Variants in ADAMTS5 observed in about 807,000 individuals in gnomAD.
ADAMTS5 encodes ADAM metallopeptidase with thrombospondin type 1 motif 5, also known as A disintegrin and metalloproteinase with thrombospondin motifs 5.
Under a neutral mutation model 81.4 loss-of-function variants are expected in ADAMTS5, and 54 were observed. That is an observed-to-expected ratio of 0.66 (90% CI 0.53 to 0.83). The LOEUF (loss-of-function observed/expected upper bound fraction) is 0.83. ADAMTS5 is among the 40% of genes least tolerant of loss of function. The pLI, the probability that ADAMTS5 is intolerant of heterozygous loss-of-function variation, is 0.00. For missense variants in ADAMTS5, 1,194 were observed against 1,229.9 expected, an observed-to-expected ratio of 0.97 and a Z score of 0.44; for synonymous variants, 532 against 508.8, an observed-to-expected ratio of 1.05 and a Z score of -0.61.
chr21:26,952,552 G>C (rs764965033), intron 2 of ADAMTS5, among the ~76,000 whole-genome samples: 39 of 152,170 alleles, frequency 2.6e-4, no homozygotes, highest in Non-Finnish European at 3.7e-4. Context: ...TGCACTTATT[G>C]CCACAGTGTT....
chr21:26,943,885 C>T (rs940444446), intron 2 of ADAMTS5, among the ~76,000 whole-genome samples: 110 of 152,286 alleles, frequency 7.2e-4, no homozygotes, highest in Non-Finnish European at 1.2e-3. Flanking sequence ...ATAGCCCTCA[C>T]CACGTATCAT....
In ADAMTS5 at chr21:26,921,317, T is replaced by G. The variant is rs556318390; in HGVS notation, c.*2736A>C. ...CAGCAAGGCAGGGCTTAATTTAAATTTTTCTGATCTAGAAGAAATAAATGT... is the reference window on the plus strand; with the variant it reads ...CAGCAAGGCAGGGCTTAATTTAAATGTTTCTGATCTAGAAGAAATAAATGT... On this transcript the variant is annotated 3_prime_UTR_variant, in exon 8 of 8. Coordinates refer to ENST00000284987, the MANE Select transcript of ADAMTS5 (RefSeq NM_007038.5). 1 of 152,242 alleles carries G rather than the reference T, an allele frequency of 6.6e-6. No individual in the cohort carries two copies. Among genetic ancestry groups the G allele is most frequent in the East Asian group, 1.9e-4 (1 of 5,188 alleles). The allele number at this position is 152,242 out of a possible 1,614,324, so 9.4% of individuals were successfully genotyped here.
chr21:26,943,396 GA>G lies in ADAMTS5; in HGVS notation c.1388del (p.Phe463SerfsTer37). 6.2e-7 allele frequency: 1 copy of G among 1,612,820 alleles called. No homozygotes were observed. The highest frequency in any genetic ancestry group is 8.5e-7 in the Non-Finnish European group (1 of 1,179,408). ...GATACATACCATGGCCATCATCCAG[GA>G]ATTCTGTGATGGTGGCTGAAGTGCA... Reference protein sequence around the residue: ...SKCTSATITEFLDDGHGNCLL... With the variant: ...SKCTSATITEXLDDGHGNCLL... On this transcript the variant is annotated frameshift_variant, in exon 3 of 8. Transcript: ENST00000284987. LOFTEE classifies it high-confidence loss of function.
rs1235578232 is a variant in ADAMTS5 at position 26,922,284 on chromosome 21, A to C, written c.*1769T>G. ...TTGTTTTAAAAGCAATTTCTTAAGAAAATACTGAAAACAGCAAGACATCTA... is the reference window on the plus strand; with the variant it reads ...TTGTTTTAAAAGCAATTTCTTAAGACAATACTGAAAACAGCAAGACATCTA... On this transcript the variant is annotated 3_prime_UTR_variant, in exon 8 of 8. Coordinates refer to ENST00000284987, the MANE Select transcript of ADAMTS5 (RefSeq NM_007038.5). 6.6e-6 allele frequency: 1 copy of C among 152,092 alleles called. No individual in the cohort carries two copies. Among genetic ancestry groups the C allele is most frequent in the Non-Finnish European group, 1.5e-5 (1 of 67,958 alleles). 9.4% of individuals were successfully genotyped at this position (152,092 alleles called of 1,614,324 possible). A position where few individuals can be genotyped will look rare whatever the true frequency, so the allele number is the denominator to read the frequency against.
In ADAMTS5 at chr21:26,924,404, C is replaced by G. The variant is rs138012643; in HGVS notation, c.2442G>C (p.Arg814Ser). The G allele has an allele frequency of 6.8e-4, 1,101 of 1,613,888 alleles. 1 individual carries two copies. Among genetic ancestry groups the G allele is most frequent in the Non-Finnish European group, 8.9e-4 (1,055 of 1,179,902 alleles). ...AGCCCATGCCATGCAGGAAGTCATC[C>G]CTGTGGCTCCAACCGCTATAGTTCA... The part of the protein sequence containing the change: ...TVMNYSGWSH[R>S]DDFLHGMGYS... Residue 814 changes from arginine to serine, a missense_variant, in exon 8 of 8, where the codon AGG (arginine) becomes AGC (serine). Around this residue, in one of 2 missense-constraint regions of ADAMTS5, gnomAD observed 696 missense variants for 817.6 expected, o/e 0.85. Coordinates refer to ENST00000284987, the MANE Select transcript of ADAMTS5 (RefSeq NM_007038.5).
chr21:26,932,019 C>T lies in ADAMTS5; in HGVS notation c.2034G>A (p.Val678=), dbSNP rs1488845545. The T allele has an allele frequency of 7.4e-6, 12 of 1,612,938 alleles. No individual in the cohort carries two copies. The African/African-American group carries it at 8.0e-5, about 11-fold the overall frequency. ...TCRAKGTGYY[V]VFSPKVTDGT... Reference sequence around the variant, plus strand: ...GTGTAGTTACCTTTGGAGAAAATACCACATAGTAGCCAGTGCCCTTGGCTC... The same window carrying T: ...GTGTAGTTACCTTTGGAGAAAATACTACATAGTAGCCAGTGCCCTTGGCTC... The change falls in exon 6 of 8, where the codon GTG becomes GTA. Residue 678 remains valine, a synonymous_variant. Transcript: ENST00000284987.
At chr21:26,962,460 G>A (rs1042601570) in intron 1 of ADAMTS5, among the ~76,000 whole-genome samples, 3 of 152,238 alleles carry the variant, frequency 2.0e-5, no homozygotes, top group African/African-American at 7.2e-5. Flanking sequence ...GCTGGGTACA[G>A]TCCTGACAGT....
Position 26,966,069 on chromosome 21 carries a change from A to G in ADAMTS5, c.323T>C (p.Val108Ala), listed in dbSNP as rs1258552854. 6.2e-6 allele frequency: 10 copies of G among 1,612,996 alleles called. No homozygotes were observed. The highest frequency in any genetic ancestry group is 8.5e-6 in the Non-Finnish European group (10 of 1,179,776). Residue 108 changes from valine to alanine, a missense_variant, in exon 1 of 8, where the codon GTG (valine) becomes GCG (alanine). Val to Ala is a moderately conservative substitution (Grantham distance 64). Coordinates refer to ENST00000284987, the MANE Select transcript of ADAMTS5 (RefSeq NM_007038.5). ...TGCGGGCACGAAGCCAGCAATGCCCACCGAACCATCTCGCTCCAGGTCCAA... is the reference window on the plus strand; with the variant it reads ...TGCGGGCACGAAGCCAGCAATGCCCGCCGAACCATCTCGCTCCAGGTCCAA... Reference protein sequence around the residue: ...FLLDLERDGSVGIAGFVPAGG... With the variant: ...FLLDLERDGSAGIAGFVPAGG...
In ADAMTS5 at chr21:26,923,482, A is replaced by G. The variant is rs1986739854; in HGVS notation, c.*571T>C. The G allele has an allele frequency of 6.5e-6, 1 of 152,744 alleles. No homozygotes were observed. Among genetic ancestry groups the G allele is most frequent in the African/African-American group, 2.4e-5 (1 of 41,456 alleles). The allele number at this position is 152,744 out of a possible 1,614,324, so 9.5% of individuals were successfully genotyped here. On this transcript the variant is annotated 3_prime_UTR_variant, in exon 8 of 8. Transcript: ENST00000284987. Reference sequence around the variant, plus strand: ...CTCCTGTAGTCAGAAAATATACTACATCTTATTAAAACAGCAGCAAGTTCT... The same window carrying G: ...CTCCTGTAGTCAGAAAATATACTACGTCTTATTAAAACAGCAGCAAGTTCT...
At position 26,932,958 on chromosome 21, in the gene ADAMTS5, A is replaced by G; in HGVS notation, c.1776T>C (p.Arg592=). 1.2e-6 allele frequency: 2 copies of G among 1,614,012 alleles called. No homozygotes were observed. Among genetic ancestry groups the G allele is most frequent in the Non-Finnish European group, 1.7e-6 (2 of 1,179,998 alleles). ...TTCTGGGAGCAGGGTTATTACAGTG[A>G]CGATAGGCAAACTGCACTCCTCCTC... ...SCGGGVQFAY[R]HCNNPAPRNN... is the part of the protein sequence containing the mutation. The change falls in exon 5 of 8, where the codon CGT becomes CGC. Residue 592 remains arginine, a synonymous_variant. Coordinates refer to ENST00000284987, the MANE Select transcript of ADAMTS5 (RefSeq NM_007038.5).
At chr21:26,947,307 GT>G (rs1198631500) in intron 2 of ADAMTS5, among the ~76,000 whole-genome samples, 2 of 152,164 alleles carry the variant, frequency 1.3e-5, no homozygotes, top group Non-Finnish European at 2.9e-5. Context: ...GCTAAATAGG[GT>G]TTTAACTGGG....
intron 4 of ADAMTS5, among the ~76,000 whole-genome samples, chr21:26,933,667 C>T (rs1055337164): frequency 2.0e-5 from 3 of 152,216 alleles, no homozygotes; most frequent in Non-Finnish European, 4.4e-5. Context: ...CCTTTTATGG[C>T]AACCTAAGTC....
At chr21:26,938,553 G>T (rs1454015157) in intron 3 of ADAMTS5, among the ~76,000 whole-genome samples, 2 of 152,074 alleles carry the variant, frequency 1.3e-5, no homozygotes, top group African/African-American at 4.8e-5. Flanking sequence ...GTTTTCAGAT[G>T]GAGTCTAGCT....
At chr21:26,947,171 T>C (rs538694662) in intron 2 of ADAMTS5, among the ~76,000 whole-genome samples, 30 of 152,338 alleles carry the variant, frequency 2.0e-4, no homozygotes, top group African/African-American at 6.7e-4. Flanking sequence ...TTTACAATAC[T>C]CTTTCTCAGC....
At chr21:26,953,854 T>G (rs1987367398) in intron 2 of ADAMTS5, 1 of 153,958 alleles carries the variant, frequency 6.5e-6, no homozygotes, top group Admixed American at 6.5e-5. Context: ...TTCCCTGAAA[T>G]AGGCACTATT....
At chr21:26,957,037 T>G (rs372801308) in intron 1 of ADAMTS5, among the ~76,000 whole-genome samples, 1 of 152,236 alleles carries the variant, frequency 6.6e-6, no homozygotes, top group Non-Finnish European at 1.5e-5. Flanking sequence ...TATAATTATG[T>G]AAACTGGCAA....
chr21:26,935,946 T>A (rs1377026023), intron 3 of ADAMTS5, among the ~76,000 whole-genome samples: 2 of 152,208 alleles, frequency 1.3e-5, no homozygotes, highest in Non-Finnish European at 2.9e-5. Context: ...ATGAGCTCAT[T>A]TAATCCTCAC....
chr21:26,955,685 A>G (rs1000825388), intron 1 of ADAMTS5, among the ~76,000 whole-genome samples: 1 of 152,174 alleles, frequency 6.6e-6, no homozygotes, highest in African/African-American at 2.4e-5. Flanking sequence ...GAGAAAATAT[A>G]AGCCGCAACT....
At chr21:26,944,990 T>A (rs1327888903) in intron 2 of ADAMTS5, among the ~76,000 whole-genome samples, 2 of 152,172 alleles carry the variant, frequency 1.3e-5, no homozygotes, top group Non-Finnish European at 2.9e-5. Flanking sequence ...CTCTGGGAAG[T>A]TCTCCCACCA....
Sources: gnomAD v4.1 joint callset for allele counts (sites outside exome capture counted in the v4.1 genomes callset) on GRCh38, gnomAD v4.1.1 for gene constraint, gnomAD v4.1.1 regional missense constraint, MANE v1.5 for transcripts, NCBI Gene and HGNC (gene_info 2026-07-23, HGNC 2026-07-21) for gene names.